ACOXL: variants seen among roughly 807,000 people sequenced by gnomAD.
ACOXL encodes acyl-CoA oxidase like.
In ACOXL, 70 loss-of-function variants were observed where a neutral mutation model predicts 71.9. The ratio of observed to expected loss-of-function variants is 0.97; its 90% CI spans 0.80 to 1.19. ACOXL has a LOEUF of 1.19. ACOXL is among the 50% of genes most tolerant of loss of function. The pLI, the probability that ACOXL is intolerant of heterozygous loss-of-function variation, is 0.00. For synonymous variants in ACOXL, 253 were observed against 281.6 expected (o/e 0.90, Z 1.02); for missense variants, 703 against 736.3 (o/e 0.95, Z 0.52).
chr2:111,065,716 G>C (rs564976340), intron 16 of ACOXL, among the ~76,000 whole-genome samples: 1 of 152,160 alleles, frequency 6.6e-6, no homozygotes, highest in Non-Finnish European at 1.5e-5. Flanking sequence ...AAAAACAGGC[G>C]TTTCACTCAT....
At chr2:110,780,383 T>C (rs546017931) in intron 2 of ACOXL, among the ~76,000 whole-genome samples, 2 of 152,202 alleles carry the variant, frequency 1.3e-5, no homozygotes, top group Non-Finnish European at 2.9e-5. Context: ...TTTCAAAAAC[T>C]GTTTGGCTGT....
At chr2:110,827,566 G>A (rs189667981) in intron 9 of ACOXL, among the ~76,000 whole-genome samples, 2 of 152,254 alleles carry the variant, frequency 1.3e-5, no homozygotes, top group Non-Finnish European at 2.9e-5. Context: ...GTTTCCAGTG[G>A]GATTCAGTGA....
intron 17 of ACOXL, among the ~76,000 whole-genome samples, chr2:111,108,946 T>C (rs1236488660): frequency 1.3e-5 from 2 of 152,212 alleles, no homozygotes; most frequent in Non-Finnish European, 2.9e-5. Context: ...GATGATTCAT[T>C]CCTTTTTTAA....
intron 11 of ACOXL, among the ~76,000 whole-genome samples, chr2:110,933,260 C>T (rs2060543526): frequency 6.6e-6 from 1 of 152,074 alleles, no homozygotes; most frequent in South Asian, 2.1e-4. Context: ...TTCCCTTTTC[C>T]CTCTGCTCTT....
chr2:111,020,807 C>T (rs1449950460), intron 14 of ACOXL, among the ~76,000 whole-genome samples: 1 of 152,176 alleles, frequency 6.6e-6, no homozygotes, highest in Non-Finnish European at 1.5e-5. Context: ...TCTTTGGAGC[C>T]ATATTTATTT....
chr2:110,892,006 A>G (rs926765836), intron 10 of ACOXL, among the ~76,000 whole-genome samples: 1 of 152,010 alleles, frequency 6.6e-6, no homozygotes, highest in Admixed American at 6.6e-5. Context: ...TTACACAAAA[A>G]CTCAGATGAC....
At chr2:110,841,788 A>G (rs1365964460) in intron 10 of ACOXL, among the ~76,000 whole-genome samples, 1 of 152,108 alleles carries the variant, frequency 6.6e-6, no homozygotes, top group African/African-American at 2.4e-5. Context: ...AGCCCTTGCC[A>G]CCTTCCATGC....
chr2:110,925,617 A>G (rs1426995904), intron 11 of ACOXL, among the ~76,000 whole-genome samples: 1 of 152,206 alleles, frequency 6.6e-6, no homozygotes, highest in Non-Finnish European at 1.5e-5. Context: ...CTTTGGCTTA[A>G]TGGAATGTTG....
At chr2:111,031,788 C>A (rs966841085) in intron 15 of ACOXL, 74 bp downstream of exon 15, 2 of 1,449,178 alleles carry the variant, frequency 1.4e-6, no homozygotes, top group South Asian at 1.1e-5. Flanking sequence ...CACAGCTCTG[C>A]AGGGAAAGGA....
intron 10 of ACOXL, among the ~76,000 whole-genome samples, chr2:110,861,593 A>G (rs1693963991): frequency 7.2e-6 from 1 of 138,722 alleles, no homozygotes; most frequent in South Asian, 2.2e-4. Flanking sequence ...TTAAATGGTG[A>G]ACCTTTAAAT....
chr2:110,778,525 T>C (rs1559249322), intron 2 of ACOXL, among the ~76,000 whole-genome samples: 1 of 152,256 alleles, frequency 6.6e-6, no homozygotes, highest in Non-Finnish European at 1.5e-5. Context: ...TTTCTGATTT[T>C]GGAGTCAGAT....
Position 111,113,902 on chromosome 2 carries a change from G to A in ACOXL, c.1543-3714G>A, listed in dbSNP as rs1186967844. Among the ~76,000 whole-genome samples the A allele has an allele frequency of 2.0e-5, 3 of 152,140 alleles. No homozygotes were observed. In the South Asian group the frequency reaches 6.2e-4, roughly 32 times the overall value. ...AAAATGAAGTCAACTGAAAAATAATGGACAGGAAATTACATTAATGGCTCA... is the reference window on the plus strand; with the variant it reads ...AAAATGAAGTCAACTGAAAAATAATAGACAGGAAATTACATTAATGGCTCA... On this transcript the variant is annotated intron_variant, in intron 17 of 17. Coordinates refer to ENST00000439055, the MANE Select transcript of ACOXL (RefSeq NM_001142807.4).
intron 17 of ACOXL, among the ~76,000 whole-genome samples, chr2:111,104,991 T>A (rs1366336176): frequency 6.6e-6 from 1 of 152,170 alleles, no homozygotes; most frequent in Non-Finnish European, 1.5e-5. Context: ...CATTTTTAGT[T>A]ACTTTTTATA....
At chr2:110,947,562 T>G (rs2061155065) in intron 12 of ACOXL, among the ~76,000 whole-genome samples, 1 of 152,202 alleles carries the variant, frequency 6.6e-6, no homozygotes, top group African/African-American at 2.4e-5. Flanking sequence ...CTTTCCCTTT[T>G]GCTGGTTGTA....
At chr2:110,772,094 A>G (rs1419454899) in intron 2 of ACOXL, among the ~76,000 whole-genome samples, 1 of 152,228 alleles carries the variant, frequency 6.6e-6, no homozygotes, top group Non-Finnish European at 1.5e-5. Context: ...TATTCACAAC[A>G]TCCCTCATGG....
intron 10 of ACOXL, among the ~76,000 whole-genome samples, chr2:110,857,724 AATTG>A (rs763663771): frequency 3.3e-5 from 5 of 151,530 alleles, no homozygotes; most frequent in African/African-American, 9.8e-5. Context: ...TTTGTTGATT[AATTG>A]ATTGATTGAT....
intron 16 of ACOXL, among the ~76,000 whole-genome samples, chr2:111,070,205 G>GT (rs912004585): frequency 5.3e-5 from 8 of 152,172 alleles, no homozygotes; most frequent in African/African-American, 1.9e-4. Context: ...GCACGTAAAT[G>GT]TTTATTGCAG....
At chr2:110,803,030 C>CAAAAAG (rs1369990486) in intron 8 of ACOXL, among the ~76,000 whole-genome samples, 1 of 151,846 alleles carries the variant, frequency 6.6e-6, no homozygotes, top group East Asian at 1.9e-4. Flanking sequence ...CAAAATAAAG[C>CAAAAAG]AAAAAGAAAA....
chr2:110,944,334 G>GC (rs1007452550), intron 12 of ACOXL, among the ~76,000 whole-genome samples: 7 of 150,522 alleles, frequency 4.7e-5, no homozygotes, highest in African/African-American at 1.7e-4. Context: ...GAGCCACCGT[G>GC]CCAGGCCTCA....
Sources: allele counts gnomAD v4.1 joint callset (sites outside exome capture counted in the v4.1 genomes callset), GRCh38; gene constraint gnomAD v4.1.1; transcripts MANE v1.5; gene names NCBI Gene and HGNC (gene_info 2026-07-23, HGNC 2026-07-21).